Variants in XPO4 observed in about 807,000 individuals in gnomAD.
The protein encoded by XPO4 is exportin 4.
Under a neutral mutation model 143.0 loss-of-function variants are expected in XPO4, and 39 were observed. The observed-to-expected ratio is 0.27, with a 90% CI of 0.21 to 0.36. The LOEUF (loss-of-function observed/expected upper bound fraction) is 0.36. Among genes scored for constraint, XPO4 ranks in the 10% least tolerant of loss-of-function variants. XPO4 has a pLI of 1.00. For missense variants in XPO4, 907 were observed against 1,348.0 expected (o/e 0.67, Z 5.12); for synonymous variants, 439 against 474.0 (o/e 0.93, Z 0.96).
intron 7 of XPO4, 40 bp from the exon 8 acceptor site, chr13:20,822,329 C>T (rs777220687): frequency 2.5e-6 from 4 of 1,571,936 alleles, no homozygotes; most frequent in Non-Finnish European, 3.5e-6. Flanking sequence ...ATAAATTCTT[C>T]CTTTGTAAGG....
At chr13:20,852,120 A>C in intron 4 of XPO4, 4 of 985,432 alleles carry the variant, frequency 4.1e-6, no homozygotes, top group Non-Finnish European at 3.6e-6. Context: ...ATTCTACCCC[A>C]ATACCAAAAT....
At chr13:20,821,664 T>C in intron 9 of XPO4, 40 bp downstream of exon 9, 1 of 1,566,968 alleles carries the variant, frequency 6.4e-7, no homozygotes, top group Non-Finnish European at 8.7e-7. Flanking sequence ...CAAATTTCCT[T>C]GTGAAAACTG....
chr13:20,866,724 T>C (rs1186836051), intron 2 of XPO4, among the ~76,000 whole-genome samples: 1 of 152,202 alleles, frequency 6.6e-6, no homozygotes, highest in East Asian at 1.9e-4. Flanking sequence ...CTAGCAATAC[T>C]ACTCTTTAGA....
At chr13:20,838,605 ATCTC>A in intron 6 of XPO4, among the ~76,000 whole-genome samples, 1 of 94,266 alleles carries the variant, frequency 1.1e-5, no homozygotes, top group Non-Finnish European at 2.4e-5. Context: ...GCAAGACTCC[ATCTC>A]AAAAAAAAAA....
Position 20,855,059 on chromosome 13 carries a change from A to AAATATTTAAATTTAAATTAAAT in XPO4, c.456+567_456+568insATTTAATTTAAATTTAAATATT, listed in dbSNP as rs1349614287. On this transcript the variant is annotated intron_variant, in intron 4 of 22. Coordinates refer to ENST00000255305, the MANE Select transcript of XPO4 (RefSeq NM_022459.5). Reference sequence around the variant, plus strand: ...ATGGCATATTAACTTATAATATTTTATAACAATTAAAATAATGATTATGAA... The same window carrying AAATATTTAAATTTAAATTAAAT: ...ATGGCATATTAACTTATAATATTTTAAATATTTAAATTTAAATTAAATTAACAATTAAAATAATGATTATGAA... 2.0e-5 allele frequency among the ~76,000 whole-genome samples: 3 copies of AAATATTTAAATTTAAATTAAAT among 152,246 alleles called. No individual in the cohort carries two copies. In the East Asian group the frequency reaches 5.8e-4, roughly 29 times the overall value.
At chr13:20,857,375 A>C (rs758230848) in intron 3 of XPO4, among the ~76,000 whole-genome samples, 2 of 152,214 alleles carry the variant, frequency 1.3e-5, no homozygotes, top group South Asian at 4.1e-4. Context: ...AACTGGTTTC[A>C]CAAATATTAA....
intron 7 of XPO4, among the ~76,000 whole-genome samples, chr13:20,823,191 C>T (rs926032393): frequency 1.3e-5 from 2 of 152,142 alleles, no homozygotes; most frequent in African/African-American, 2.4e-5. Flanking sequence ...CTTTTCTTTC[C>T]CACACAAAGT....
chr13:20,869,578 A>G (rs536948394), intron 1 of XPO4: 1 of 830,128 alleles, frequency 1.2e-6, no homozygotes, highest in Non-Finnish European at 1.5e-6. Flanking sequence ...AAAATGTTAC[A>G]ATCAATTATA....
In XPO4 at chr13:20,782,596, C is replaced by T. The variant is rs1292775005; in HGVS notation, c.*1126G>A. On this transcript the variant is annotated 3_prime_UTR_variant, in exon 23 of 23. Coordinates refer to ENST00000255305, the MANE Select transcript of XPO4 (RefSeq NM_022459.5). ...TTCACATCCTTTAAAATAATTATTG[C>T]TTAAGCAAGCCATTTAGAGTAGATA... The T allele has an allele frequency of 1.3e-5, 2 of 152,524 alleles. No individual in the cohort carries two copies. The highest frequency in any genetic ancestry group is 4.8e-5 in the African/African-American group (2 of 41,414). The allele number at this position is 152,524 out of a possible 1,614,324, so 9.4% of individuals were successfully genotyped here.
chr13:20,790,686 T>C (rs1162659734), intron 18 of XPO4, 106 bp from the exon 19 acceptor site: 7 of 836,566 alleles, frequency 8.4e-6, no homozygotes, highest in Non-Finnish European at 1.4e-5. Flanking sequence ...GCTAAATAAA[T>C]CAATGAGTGA....
chr13:20,843,133 C>G, intron 5 of XPO4, 85 bp from the exon 6 acceptor site: 1 of 1,318,780 alleles, frequency 7.6e-7, no homozygotes, highest in Non-Finnish European at 1.0e-6. Flanking sequence ...AAAACAAACA[C>G]CTTAAAATTT....
chr13:20,796,322 A>G (rs2059358310), intron 17 of XPO4, 66 bp from the exon 18 acceptor site: 1 of 1,203,430 alleles, frequency 8.3e-7, no homozygotes. Context: ...ATTTTAAAAT[A>G]TAATCTATAT....
Position 20,902,652 on chromosome 13 carries a change from G to C in XPO4, c.69+18C>G. 2 of 1,560,242 alleles carry C rather than the reference G, an allele frequency of 1.3e-6. No individual in the cohort carries two copies. The highest frequency in any genetic ancestry group is 1.7e-6 in the Non-Finnish European group (2 of 1,153,842). ...GGGGCCCGCGAATCCCGGGGTCTGA[G>C]GGGCGCGGCGTCCTCACCATCAGAA... On this transcript the variant is annotated intron_variant, in intron 1 of 22. Coordinates refer to ENST00000255305, the MANE Select transcript of XPO4 (RefSeq NM_022459.5).
intron 3 of XPO4, among the ~76,000 whole-genome samples, chr13:20,857,279 T>C (rs901244366): frequency 2.0e-5 from 3 of 152,156 alleles, no homozygotes; most frequent in Admixed American, 1.3e-4. Flanking sequence ...GTTTTAAATA[T>C]CTCTACTGGC....
intron 4 of XPO4, among the ~76,000 whole-genome samples, chr13:20,844,578 A>T (rs1230094071): frequency 6.6e-6 from 1 of 152,184 alleles, no homozygotes; most frequent in African/African-American, 2.4e-5. Flanking sequence ...TATGCACACT[A>T]CCTCTGAACA....
Position 20,842,962 on chromosome 13 carries a change from A to T in XPO4, c.660T>A (p.Ser220=). ...SRRENLNAQM[S]SVFQRYLALA... is the part of the protein sequence containing the mutation. ...GTGCAAGGTAACGCTGAAATACTGAAGACATCTGAGCATTGAGGTTTTCCC... is the reference window on the plus strand; with the variant it reads ...GTGCAAGGTAACGCTGAAATACTGATGACATCTGAGCATTGAGGTTTTCCC... Residue 220 remains serine, a synonymous_variant, in exon 6 of 23, where the codon TCT becomes TCA. Transcript: ENST00000255305. 1 of 1,613,586 alleles carries T rather than the reference A, an allele frequency of 6.2e-7. No homozygotes were observed. Among genetic ancestry groups the T allele is most frequent in the South Asian group, 1.1e-5 (1 of 91,016 alleles).
intron 22 of XPO4, among the ~76,000 whole-genome samples, chr13:20,786,237 T>C (rs1157929754): frequency 6.6e-6 from 1 of 151,606 alleles, no homozygotes; most frequent in Non-Finnish European, 1.5e-5. Context: ...AAACCCTTTT[T>C]TAAAGATGGA....
At chr13:20,882,358 C>T (rs777196056) in intron 1 of XPO4, among the ~76,000 whole-genome samples, 16 of 151,988 alleles carry the variant, frequency 1.1e-4, no homozygotes, top group Non-Finnish European at 2.1e-4. Flanking sequence ...CTTTCAATCA[C>T]GGCAGAGGGC....
chr13:20,855,696 AT>A lies in XPO4; in HGVS notation c.386del (p.Asp129ValfsTer16). 1 of 1,612,586 alleles carries A rather than the reference AT, an allele frequency of 6.2e-7. No homozygotes were observed. Among genetic ancestry groups the A allele is most frequent in the Non-Finnish European group, 8.5e-7 (1 of 1,179,706 alleles). On this transcript the variant is annotated frameshift_variant, in exon 4 of 23. Transcript: ENST00000255305. LOFTEE classifies it high-confidence loss of function. ...AAATGCTTTTGCAGTCAATTGATTT[AT>A]CTAATGATCCTCTTTTTACAATTAC... ...VAVIVKRGSL[D>X]KSIDCKSIFH...
Sources: allele counts gnomAD v4.1 joint callset (sites outside exome capture counted in the v4.1 genomes callset), GRCh38; gene constraint gnomAD v4.1.1; transcripts MANE v1.5; gene names NCBI Gene and HGNC (gene_info 2026-07-23, HGNC 2026-07-21).